PIPOX: variants seen among roughly 807,000 people sequenced by gnomAD.
PIPOX encodes the protein peroxisomal sarcosine oxidase.
In PIPOX, 45 loss-of-function variants were observed where a neutral mutation model predicts 47.9. The ratio of observed to expected loss-of-function variants is 0.94; its 90% confidence interval spans 0.74 to 1.20. The LOEUF (loss-of-function observed/expected upper bound fraction) is 1.20, where lower values mean the gene tolerates loss of function less well. Among genes scored for constraint, PIPOX ranks in the 50% most tolerant of loss-of-function variants. The pLI, the probability that PIPOX is intolerant of heterozygous loss-of-function variation, is 0.00. For synonymous variants in PIPOX, 165 were observed against 191.3 expected (o/e 0.86, Z 1.13); for missense variants, 458 against 498.4 (o/e 0.92, Z 0.77).
rs1227063796 is a variant in PIPOX at position 29,043,324 on chromosome 17, C to T, written c.99C>T (p.Ile33=). 2 of 1,612,620 alleles carry T rather than the reference C, an allele frequency of 1.2e-6. No homozygotes were observed. Among genetic ancestry groups the T allele is most frequent in the Non-Finnish European group, 1.7e-6 (2 of 1,178,710 alleles). ...ACCTGGCCAAACACAGGAAGAGGATCCTCCTGCTGGAGCAGGTACTGTGTC... is the reference window on the plus strand; with the variant it reads ...ACCTGGCCAAACACAGGAAGAGGATTCTCCTGCTGGAGCAGGTACTGTGTC... ...AYHLAKHRKR[I]LLLEQFFLPH... is the part of the protein sequence containing the mutation. Residue 33 remains isoleucine, a synonymous_variant, in exon 1 of 8, where the codon ATC becomes ATT. Coordinates refer to ENST00000323372, the MANE Select transcript of PIPOX (RefSeq NM_016518.3).
chr17:29,051,799 G>A (rs1424310292), intron 2 of PIPOX, among the ~76,000 whole-genome samples: 1 of 152,150 alleles, frequency 6.6e-6, no homozygotes, highest in Non-Finnish European at 1.5e-5. Flanking sequence ...TGGAATTTGG[G>A]GTGGAATCTT....
rs778644710 is a variant in PIPOX at position 29,056,319 on chromosome 17, G to A, written c.*14G>A. 5 of 1,614,066 alleles carry A rather than the reference G, an allele frequency of 3.1e-6. No homozygotes were observed. The highest frequency in any genetic ancestry group is 4.2e-6 in the Non-Finnish European group (5 of 1,180,022). On this transcript the variant is annotated 3_prime_UTR_variant, in exon 8 of 8. Coordinates refer to ENST00000323372, the MANE Select transcript of PIPOX (RefSeq NM_016518.3). ...GCCCACCTTTGACCTCTGGCCAGAA[G>A]CCTCCCTTCTGTGCACAGGAGCCAG...
intron 2 of PIPOX, among the ~76,000 whole-genome samples, chr17:29,048,189 A>G (rs72815752): frequency 0.036 from 5,476 of 152,310 alleles, 110 homozygotes; most frequent in Middle Eastern, 0.041. Context: ...GCTAAAAGCC[A>G]TTCTAATTCC....
Position 29,053,005 on chromosome 17 carries a change from C to T in PIPOX, c.349C>T (p.His117Tyr). The T allele has an allele frequency of 6.2e-7, 1 of 1,614,156 alleles. No homozygotes were observed. The highest frequency in any genetic ancestry group is 8.5e-7 in the Non-Finnish European group (1 of 1,179,950). ...CAATCTGTCGAGGCAGAGGGTAGAA[C>T]ACCAGTGTCTTTCATCTGAGGAACT... ...QANLSRQRVEHQCLSSEELKQ... is the reference protein window; with the variant it reads ...QANLSRQRVEYQCLSSEELKQ... Residue 117 changes from histidine to tyrosine, a missense_variant, in exon 3 of 8, where the codon CAC becomes TAC. By Grantham distance (83) the His-to-Tyr change is moderately conservative (BLOSUM62 2). Coordinates refer to ENST00000323372, the MANE Select transcript of PIPOX (RefSeq NM_016518.3).
rs201409383 is a variant in PIPOX at position 29,046,958 on chromosome 17, TTCC to T, written c.263+1963_263+1965del. ...TTAGAACAGCACCTGGAAAACCATCTTCCTCCTCCTCCTCACCATATATGTAGT... is the reference window on the plus strand; with the variant it reads ...TTAGAACAGCACCTGGAAAACCATCTTCCTCCTCCTCACCATATATGTAGT... On this transcript the variant is annotated intron_variant, in intron 2 of 7. Coordinates refer to ENST00000323372, the MANE Select transcript of PIPOX (RefSeq NM_016518.3). The T allele has an allele frequency of 5.8e-3, 902 of 155,326 alleles. 1 individual carries two copies. The highest frequency in any genetic ancestry group is 9.9e-3 in the Middle Eastern group (3 of 304). 9.6% of individuals were successfully genotyped at this position (155,326 alleles called of 1,614,324 possible).
At chr17:29,056,060 T>C in intron 7 of PIPOX, 115 bp from the exon 8 acceptor site, 3 of 1,425,388 alleles carry the variant, frequency 2.1e-6, no homozygotes, top group South Asian at 1.2e-5. Flanking sequence ...AGGCCACTTC[T>C]GGCTTTGGGA....
chr17:29,048,753 C>T (rs573161632), intron 2 of PIPOX, among the ~76,000 whole-genome samples: 7 of 152,362 alleles, frequency 4.6e-5, no homozygotes, highest in South Asian at 2.1e-4. Flanking sequence ...GGCTTGTCAG[C>T]CACATCCCCT....
At chr17:29,046,134 T>C (rs1352432497) in intron 2 of PIPOX, among the ~76,000 whole-genome samples, 1 of 152,212 alleles carries the variant, frequency 6.6e-6, no homozygotes, top group Non-Finnish European at 1.5e-5. Context: ...AAATCCATTA[T>C]GCAAATCAGC....
At position 29,045,079 on chromosome 17, in the gene PIPOX, A is replaced by C. The variant is rs566350445; in HGVS notation, c.263+72A>C. The C allele has an allele frequency of 6.4e-5, 94 of 1,473,374 alleles. No homozygotes were observed. In the South Asian group the frequency reaches 1.2e-3, roughly 19 times the overall value. 91.3% of individuals were successfully genotyped at this position (1,473,374 alleles called of 1,614,324 possible). On this transcript the variant is annotated intron_variant, in intron 2 of 7. Transcript: ENST00000323372. ...AGGTACTTTTAGTGTGTGAAGTGGC[A>C]GCGCCATGGAACATTTGGAATGCAA... is the stretch of plus-strand genomic sequence containing the variant.
chr17:29,053,323 C>A, intron 3 of PIPOX, 90 bp from the exon 4 acceptor site: 1 of 1,388,554 alleles, frequency 7.2e-7, no homozygotes, highest in Non-Finnish European at 1.0e-6. Context: ...AGATTCTGCA[C>A]TCTTTTCTGC....
chr17:29,045,634 C>T (rs2152698181), intron 2 of PIPOX, among the ~76,000 whole-genome samples: 1 of 152,042 alleles, frequency 6.6e-6, no homozygotes, highest in South Asian at 2.1e-4. Context: ...TGGTCTTGAT[C>T]TCTCGACCTC....
chr17:29,054,715 G>T (rs2065820445), intron 5 of PIPOX, 24 bp downstream of exon 5: 1 of 1,610,202 alleles, frequency 6.2e-7, no homozygotes, highest in South Asian at 1.1e-5. Flanking sequence ...CCGAGATAAG[G>T]CAGGTAGATG....
chr17:29,056,236 A>G lies in PIPOX; in HGVS notation c.1104A>G (p.Leu368=), dbSNP rs2065827691. Residue 368 remains leucine, a synonymous_variant, in exon 8 of 8, where the codon TTA becomes TTG. Transcript: ENST00000323372. ...TCCTGTATGAATTAAGCATGAAATTAACACCATCTTATGACTTGGCACCTT... is the reference window on the plus strand; with the variant it reads ...TCCTGTATGAATTAAGCATGAAATTGACACCATCTTATGACTTGGCACCTT... The part of the protein sequence containing the change: ...GKILYELSMK[L]TPSYDLAPFR... The G allele has an allele frequency of 6.2e-7, 1 of 1,614,178 alleles. No homozygotes were observed. Among genetic ancestry groups the G allele is most frequent in the African/African-American group, 1.3e-5 (1 of 75,046 alleles).
intron 2 of PIPOX, among the ~76,000 whole-genome samples, chr17:29,050,640 T>G (rs1202175252): frequency 1.3e-5 from 2 of 151,966 alleles, no homozygotes. Flanking sequence ...GAGTTTGAGA[T>G]AGGCCTCTGC....
intron 5 of PIPOX, 80 bp from the exon 6 acceptor site, chr17:29,054,983 G>A: frequency 6.4e-7 from 1 of 1,561,802 alleles, no homozygotes; most frequent in Non-Finnish European, 8.8e-7. Flanking sequence ...GGGCTGTCCT[G>A]TGTACACGCC....
At position 29,056,483 on chromosome 17, in the gene PIPOX, T is replaced by C. The variant is rs2065828944; in HGVS notation, c.*178T>C. The C allele has an allele frequency of 2.9e-6, 2 of 685,562 alleles. No homozygotes were observed. Among genetic ancestry groups the C allele is most frequent in the Non-Finnish European group, 4.8e-6 (2 of 415,200 alleles). The allele number at this position is 685,562 out of a possible 1,614,324, so 42.5% of individuals were successfully genotyped here. On this transcript the variant is annotated 3_prime_UTR_variant, in exon 8 of 8. Coordinates refer to ENST00000323372, the MANE Select transcript of PIPOX (RefSeq NM_016518.3). ...TCCTTGGCCCGCTCCCTTTTTCTTCTGCCTCACTTGAATCCCCCGTAAACA... is the reference window on the plus strand; with the variant it reads ...TCCTTGGCCCGCTCCCTTTTTCTTCCGCCTCACTTGAATCCCCCGTAAACA...
At position 29,044,865 on chromosome 17, in the gene PIPOX, C is replaced by T; in HGVS notation, c.121C>T (p.Leu41=). The change falls in exon 2 of 8, where the codon CTA becomes TTA. Residue 41 remains leucine, a synonymous_variant. Coordinates refer to ENST00000323372, the MANE Select transcript of PIPOX (RefSeq NM_016518.3). ...KRILLLEQFF[L]PHSRGSSHGQ... ...TCTTGTTTTCCACTTCCAGTTCTTTCTACCACACTCCCGAGGAAGCTCCCA... is the reference window on the plus strand; with the variant it reads ...TCTTGTTTTCCACTTCCAGTTCTTTTTACCACACTCCCGAGGAAGCTCCCA... The T allele has an allele frequency of 2.5e-6, 4 of 1,611,394 alleles. No homozygotes were observed. The highest frequency in any genetic ancestry group is 2.5e-6 in the Non-Finnish European group (3 of 1,178,826).
At chr17:29,047,403 C>T (rs1436140487) in intron 2 of PIPOX, among the ~76,000 whole-genome samples, 3 of 152,166 alleles carry the variant, frequency 2.0e-5, no homozygotes, top group South Asian at 2.1e-4. Context: ...GGGTTGCTGC[C>T]GGGTAGTCAG....
chr17:29,047,851 G>A (rs1266978348), intron 2 of PIPOX, among the ~76,000 whole-genome samples: 1 of 152,176 alleles, frequency 6.6e-6, no homozygotes, highest in Non-Finnish European at 1.5e-5. Context: ...CTCCAAATAA[G>A]TTCATGCCTA....
Sources: allele counts gnomAD v4.1 joint callset (sites outside exome capture counted in the v4.1 genomes callset), GRCh38; gene constraint gnomAD v4.1.1; transcripts MANE v1.5; gene names NCBI Gene and HGNC (gene_info 2026-07-23, HGNC 2026-07-21).